PPM1B: variants seen among roughly 807,000 people sequenced by gnomAD.
The protein encoded by PPM1B is protein phosphatase, Mg2+/Mn2+ dependent 1B.
A neutral mutation model predicts 43.0 loss-of-function variants in PPM1B; 22 were observed. The observed-to-expected ratio is 0.51, with a 90% CI of 0.37 to 0.73. The LOEUF is 0.73. Ranked by LOEUF, PPM1B falls within the 30% of genes least tolerant of loss-of-function variation. PPM1B has a pLI of 0.00. For missense variants in PPM1B, 632 were observed against 584.2 expected (o/e 1.08, Z -0.84); for synonymous variants, 217 against 197.9 (o/e 1.10, Z -0.81).
At chr2:44,178,466 A>G (rs1667694463) in intron 1 of PPM1B, among the ~76,000 whole-genome samples, 1 of 93,174 alleles carries the variant, frequency 1.1e-5, no homozygotes, top group African/African-American at 3.8e-5. Context: ...ATATATATAT[A>G]TATATATATT....
downstream of PPM1B, among the ~76,000 whole-genome samples, chr2:44,239,325 C>G (rs1233110433): frequency 2.0e-5 from 3 of 152,048 alleles, no homozygotes; most frequent in Non-Finnish European, 4.4e-5. Flanking sequence ...GCTCACACCA[C>G]TTGTCCATTT....
intron 1 of PPM1B, among the ~76,000 whole-genome samples, chr2:44,178,486 A>G (rs1004135260): frequency 8.7e-6 from 1 of 115,368 alleles, no homozygotes; most frequent in Non-Finnish European, 1.8e-5. Flanking sequence ...TTTTTTTTTT[A>G]GACAGAGTTT....
chr2:44,189,019 G>A (rs557228131), intron 1 of PPM1B, among the ~76,000 whole-genome samples: 4 of 151,862 alleles, frequency 2.6e-5, no homozygotes, highest in East Asian at 3.9e-4. Flanking sequence ...CAGGCATGCC[G>A]CCACCACACC....
At chr2:44,169,566 C>T (rs960994673) in intron 1 of PPM1B, among the ~76,000 whole-genome samples, 5 of 152,246 alleles carry the variant, frequency 3.3e-5, no homozygotes, top group Non-Finnish European at 5.9e-5. Context: ...CTGATTCTCT[C>T]TTCCCTCCGC....
intron 1 of PPM1B, among the ~76,000 whole-genome samples, chr2:44,199,502 T>A (rs1221124905): frequency 6.6e-6 from 1 of 152,066 alleles, no homozygotes; most frequent in Non-Finnish European, 1.5e-5. Flanking sequence ...AAAAGTGATT[T>A]AGTAAATACA....
chr2:44,227,922 C>CT (rs59259343), intron 5 of PPM1B, among the ~76,000 whole-genome samples: 40,182 of 106,750 alleles, frequency 0.38, 9,480 homozygotes, highest in Non-Finnish European at 0.51. Context: ...TTTTTCTTTT[C>CT]TTTTTTTTTT....
At chr2:44,227,922 CTTTTTTTTT>C (rs59259343) in intron 5 of PPM1B, among the ~76,000 whole-genome samples, 279 of 106,784 alleles carry the variant, frequency 2.6e-3, no homozygotes, top group African/African-American at 1.0e-2. Flanking sequence ...TTTTTCTTTT[CTTTTTTTTT>C]TTTTTTTTGA....
chr2:44,174,714 T>C (rs190913324), intron 1 of PPM1B, among the ~76,000 whole-genome samples: 111 of 152,342 alleles, frequency 7.3e-4, no homozygotes, highest in African/African-American at 2.5e-3. Flanking sequence ...CTGAGAGTAA[T>C]GTCAACTCAT....
chr2:44,206,564 C>G (rs561626025), intron 2 of PPM1B, among the ~76,000 whole-genome samples: 98 of 152,218 alleles, frequency 6.4e-4, no homozygotes, highest in African/African-American at 2.3e-3. Context: ...TTATAACTTA[C>G]AAAAATCGAA....
chr2:44,242,906 T>A (rs1670780694), intron 5 of PPM1B, among the ~76,000 whole-genome samples: 1 of 152,218 alleles, frequency 6.6e-6, no homozygotes, highest in Non-Finnish European at 1.5e-5. Context: ...AGTTCGCCAT[T>A]TGCCTTTCAA....
At chr2:44,232,195 A>G (rs1461337429), downstream of PPM1B, 1 of 1,393,990 alleles carries the variant, frequency 7.2e-7, no homozygotes, top group Non-Finnish European at 9.8e-7. Flanking sequence ...CTGTAAAAGT[A>G]CCCTTTTCAG....
chr2:44,239,281 T>G (rs1670696102), downstream of PPM1B, among the ~76,000 whole-genome samples: 1 of 152,028 alleles, frequency 6.6e-6, no homozygotes, highest in African/African-American at 2.4e-5. Context: ...CTATATATAT[T>G]GGCCATTTGA....
intron 1 of PPM1B, among the ~76,000 whole-genome samples, chr2:44,169,929 A>G (rs1003153267): frequency 1.3e-4 from 20 of 150,996 alleles, no homozygotes; most frequent in Non-Finnish European, 2.2e-4. Flanking sequence ...CCCCAAATCT[A>G]CCGGAGCCCC....
downstream of PPM1B, among the ~76,000 whole-genome samples, chr2:44,245,459 T>A (rs935418221): frequency 6.6e-6 from 1 of 152,080 alleles, no homozygotes; most frequent in Non-Finnish European, 1.5e-5. Context: ...GCTATGAAAA[T>A]AAGTATTTAA....
intron 5 of PPM1B, among the ~76,000 whole-genome samples, chr2:44,220,259 A>AAT (rs886343610): frequency 1.5e-5 from 2 of 134,852 alleles, no homozygotes; most frequent in East Asian, 5.0e-4. Flanking sequence ...AATCTTTAAA[A>AAT]ATACATATAT....
chr2:44,236,402 CAAAAAAAAAAAAA>C (rs61414038), downstream of PPM1B, among the ~76,000 whole-genome samples: 3 of 47,556 alleles, frequency 6.3e-5, no homozygotes, highest in Non-Finnish European at 1.2e-4. Context: ...GACTCCGTCT[CAAAAAAAAAAAAA>C]AAAAAAAAAA....
At chr2:44,192,998 C>T (rs1668478444) in intron 1 of PPM1B, among the ~76,000 whole-genome samples, 1 of 152,108 alleles carries the variant, frequency 6.6e-6, no homozygotes, top group African/African-American at 2.4e-5. Flanking sequence ...GATTGCATAA[C>T]TTGGTTTTGG....
intron 1 of PPM1B, among the ~76,000 whole-genome samples, chr2:44,176,245 A>G (rs1441107807): frequency 1.3e-5 from 2 of 152,218 alleles, no homozygotes; most frequent in Non-Finnish European, 2.9e-5. Context: ...ACAATAGGAG[A>G]AGGGTGAACA....
chr2:44,228,286 T>TA (rs1670313639), intron 5 of PPM1B, among the ~76,000 whole-genome samples: 1 of 142,578 alleles, frequency 7.0e-6, no homozygotes, highest in Non-Finnish European at 1.6e-5. Context: ...CTCCTCGACT[T>TA]AGCTCAACCT....
Sources: allele counts gnomAD v4.1 joint callset (sites outside exome capture counted in the v4.1 genomes callset), GRCh38; gene constraint gnomAD v4.1.1; transcripts MANE v1.5; gene names NCBI Gene and HGNC (gene_info 2026-07-23, HGNC 2026-07-21).